KLHL5: variants seen among roughly 807,000 people sequenced by gnomAD.
The protein encoded by KLHL5 is kelch like family member 5.
In KLHL5, 48 loss-of-function variants were observed where a neutral mutation model predicts 77.7. The ratio of observed to expected loss-of-function variants is 0.62; its 90% CI spans 0.49 to 0.79. The LOEUF is 0.79. Among genes scored for constraint, KLHL5 ranks in the 30% least tolerant of loss-of-function variants. The pLI is 0.00. For missense variants in KLHL5, 723 were observed against 859.7 expected, an observed-to-expected ratio of 0.84 and a Z score of 1.99; for synonymous variants, 260 against 297.0, an observed-to-expected ratio of 0.88 and a Z score of 1.28.
chr4:39,076,832 A>G (rs1035312638), intron 2 of KLHL5, among the ~76,000 whole-genome samples: 1 of 151,444 alleles, frequency 6.6e-6, no homozygotes, highest in African/African-American at 2.4e-5. Context: ...GAGAGATAAC[A>G]TCGGAAAAAG....
chr4:39,095,676 G>A (rs1721001450), intron 5 of KLHL5, among the ~76,000 whole-genome samples: 1 of 151,348 alleles, frequency 6.6e-6, no homozygotes, highest in Non-Finnish European at 1.5e-5. Flanking sequence ...CTGTAATAAG[G>A]AAATGGCTAA....
chr4:39,063,187 G>C (rs1191459688), intron 1 of KLHL5, 152 bp downstream of exon 1: 2 of 549,322 alleles, frequency 3.6e-6, no homozygotes, highest in African/African-American at 1.9e-5. Context: ...TGATACTTCT[G>C]CTAGGGTTTT....
chr4:39,098,055 G>A (rs1721224779), intron 6 of KLHL5, among the ~76,000 whole-genome samples: 1 of 150,392 alleles, frequency 6.6e-6, no homozygotes, highest in South Asian at 2.1e-4. Context: ...AGGATCACCT[G>A]AGGCCAGGAA....
chr4:39,054,027 CAT>C (rs1716843162), intron 1 of KLHL5, among the ~76,000 whole-genome samples: 1 of 152,154 alleles, frequency 6.6e-6, no homozygotes, highest in East Asian at 1.9e-4. Flanking sequence ...TTTAAGAAAT[CAT>C]GTGTTCCTTA....
Position 39,052,885 on chromosome 4 carries a change from G to T in KLHL5, c.-95+7789G>T, listed in dbSNP as rs995059814. ...TGGAGTTTGGGAGGACTACTCTGAA[G>T]TGCCTCCTAAGAACATTGGATTTAA... On this transcript the variant is annotated intron_variant, in intron 1 of 11. Coordinates refer to the KLHL5 transcript ENST00000261425. 2.6e-5 allele frequency among the ~76,000 whole-genome samples: 4 copies of T among 152,310 alleles called. No homozygotes were observed. In the East Asian group the frequency reaches 7.7e-4, roughly 29 times the overall value.
intron 1 of KLHL5, chr4:39,045,104 C>G (rs1485446732): frequency 3.0e-6 from 3 of 985,512 alleles, no homozygotes; most frequent in Non-Finnish European, 3.6e-6. Flanking sequence ...GCGGTAAGTG[C>G]GACTTCCTTC....
chr4:39,069,430 TTATATATATATATATATATATATATA>T (rs60740721), intron 1 of KLHL5, among the ~76,000 whole-genome samples: 12 of 30,510 alleles, frequency 3.9e-4, no homozygotes, highest in Admixed American at 9.6e-4. Flanking sequence ...TATTAACATT[TTATATATATATATATATATATATATA>T]TATATATATA....
chr4:39,141,370 G>A, the KLHL5 span, among the ~76,000 whole-genome samples: 6 of 139,896 alleles, frequency 4.3e-5, no homozygotes, highest in East Asian at 2.2e-4. Context: ...GTGCAGTGGC[G>A]CAATCTCGGC....
the KLHL5 span, among the ~76,000 whole-genome samples, chr4:39,141,164 C>A: frequency 1.3e-5 from 2 of 152,114 alleles, no homozygotes; most frequent in Admixed American, 1.3e-4. Flanking sequence ...AATAAAAACA[C>A]AAGAGAACCA....
At chr4:39,076,499 G>A (rs9306971) in intron 2 of KLHL5, among the ~76,000 whole-genome samples, 4,329 of 152,206 alleles carry the variant, frequency 0.028, 180 homozygotes, top group African/African-American at 0.098. Context: ...AAGAAGAAAA[G>A]CTGGTGAAGT....
At chr4:39,139,591 A>G in the KLHL5 span, among the ~76,000 whole-genome samples, 1 of 151,564 alleles carries the variant, frequency 6.6e-6, no homozygotes, top group Non-Finnish European at 1.5e-5. Context: ...CAAATGTAGC[A>G]CTCTGGCGGG....
chr4:39,078,447 C>T (rs1195014999), intron 2 of KLHL5, among the ~76,000 whole-genome samples: 9 of 151,260 alleles, frequency 6.0e-5, no homozygotes, highest in East Asian at 2.0e-4. Context: ...GTAATCCTAG[C>T]GCTTTGGAAG....
intron 1 of KLHL5, among the ~76,000 whole-genome samples, chr4:39,056,111 C>G (rs1716988443): frequency 6.6e-6 from 1 of 152,166 alleles, no homozygotes; most frequent in Non-Finnish European, 1.5e-5. Context: ...TATAATACAA[C>G]TGAATTTAAA....
intron 1 of KLHL5, among the ~76,000 whole-genome samples, chr4:39,073,166 C>T (rs1718651228): frequency 6.6e-6 from 1 of 152,110 alleles, no homozygotes; most frequent in African/African-American, 2.4e-5. Flanking sequence ...GGTATGAGGC[C>T]TTGAACACTG....
intron 1 of KLHL5, among the ~76,000 whole-genome samples, chr4:39,053,684 G>C (rs1252853501): frequency 6.6e-6 from 1 of 152,164 alleles, no homozygotes; most frequent in Non-Finnish European, 1.5e-5. Context: ...CAAGCTGAAG[G>C]AATGTTTTCA....
intron 1 of KLHL5, among the ~76,000 whole-genome samples, chr4:39,049,375 A>G (rs1422303220): frequency 6.6e-6 from 1 of 152,234 alleles, no homozygotes; most frequent in African/African-American, 2.4e-5. Context: ...TGTCCATTCA[A>G]TAAACATTTG....
Position 39,125,564 on chromosome 4 carries a change from C to T in KLHL5, c.*4498C>T, listed in dbSNP as rs1187981231. Among the ~76,000 whole-genome samples, 2 of 152,192 alleles carry T rather than the reference C, an allele frequency of 1.3e-5. No individual in the cohort carries two copies. Among genetic ancestry groups the T allele is most frequent in the South Asian group, 4.2e-4 (2 of 4,816 alleles). On this transcript the variant is annotated 3_prime_UTR_variant, in exon 11 of 11. Transcript: ENST00000504108. ...TGCTAAAGCATGGATGAGCCTTGAGCGCATTTTTGCCAAGTGAAAGAAGGC... is the reference window on the plus strand; with the variant it reads ...TGCTAAAGCATGGATGAGCCTTGAGTGCATTTTTGCCAAGTGAAAGAAGGC...
intron 5 of KLHL5, among the ~76,000 whole-genome samples, chr4:39,092,643 G>A (rs553941733): frequency 9.6e-5 from 14 of 145,276 alleles, no homozygotes; most frequent in Admixed American, 2.7e-4. Context: ...GGTGTAGGTC[G>A]GGGACTTAGG....
chr4:39,055,809 A>T (rs1255713842), intron 1 of KLHL5, among the ~76,000 whole-genome samples: 1 of 152,156 alleles, frequency 6.6e-6, no homozygotes, highest in Non-Finnish European at 1.5e-5. Context: ...TATAATTTTT[A>T]AATTTAATGT....
Sources: allele counts gnomAD v4.1 joint callset (sites outside exome capture counted in the v4.1 genomes callset), GRCh38; gene constraint gnomAD v4.1.1; transcripts MANE v1.5; gene names NCBI Gene and HGNC (gene_info 2026-07-23, HGNC 2026-07-21).